The following TMEM232 variants were observed in gnomAD, a reference collection of about 807,000 sequenced individuals.
TMEM232 encodes transmembrane protein 232.
A neutral mutation model predicts 78.8 loss-of-function variants in TMEM232; 80 were observed. The ratio of observed to expected loss-of-function variants is 1.01; its 90% CI spans 0.85 to 1.22. The LOEUF is 1.22. TMEM232 is among the 50% of genes most tolerant of loss of function. The probability of loss-of-function intolerance (pLI) is 0.00; values close to 1 mark genes in which losing one functional copy is unlikely to be tolerated. For missense variants in TMEM232, 881 were observed against 742.2 expected (o/e 1.19, Z -2.17); for synonymous variants, 297 against 254.3 (o/e 1.17, Z -1.60).
chr5:110,605,050 A>G (rs1781375589), intron 10 of TMEM232, 59 bp downstream of exon 10: 2 of 1,423,732 alleles, frequency 1.4e-6, no homozygotes, highest in Non-Finnish European at 9.4e-7. Context: ...GCTTATTACT[A>G]TATGTAGACA....
chr5:110,435,522 C>T lies in TMEM232; in HGVS notation c.1704-10606G>A, dbSNP rs560021160. ...TAAATAATTATTGAGTATATATCTC[C>T]TATTGTGCTATCAAGTACTAGGTAT... On this transcript the variant is annotated intron_variant, in intron 12 of 13. Transcript: ENST00000455884. Among the ~76,000 whole-genome samples, 9 of 151,748 alleles carry T rather than the reference C, an allele frequency of 5.9e-5. No homozygotes were observed. The East Asian group carries it at 1.7e-3, about 29-fold the overall frequency.
At chr5:110,423,626 T>A (rs1380564462) in intron 13 of TMEM232, among the ~76,000 whole-genome samples, 1 of 152,094 alleles carries the variant, frequency 6.6e-6, no homozygotes, top group Non-Finnish European at 1.5e-5. Flanking sequence ...TATAAGCAGG[T>A]TCATGGCAGT....
At chr5:110,706,405 T>C (rs1795934982) in intron 1 of TMEM232, among the ~76,000 whole-genome samples, 1 of 152,120 alleles carries the variant, frequency 6.6e-6, no homozygotes, top group South Asian at 2.1e-4. Context: ...CACTGTATTA[T>C]TGATTATTTT....
intron 2 of TMEM232, among the ~76,000 whole-genome samples, chr5:110,664,542 GT>G (rs1790291625): frequency 6.6e-6 from 1 of 152,204 alleles, no homozygotes; most frequent in African/African-American, 2.4e-5. Flanking sequence ...TTCAAGAAAA[GT>G]ATTGGAAACA....
At chr5:110,715,487 A>T (rs1796922352) in intron 1 of TMEM232, among the ~76,000 whole-genome samples, 1 of 152,198 alleles carries the variant, frequency 6.6e-6, no homozygotes, top group African/African-American at 2.4e-5. Context: ...CACTGTAAAT[A>T]TTCAAAAGAC....
At chr5:110,639,081 C>A (rs1328584717) in intron 4 of TMEM232, among the ~76,000 whole-genome samples, 8 of 152,042 alleles carry the variant, frequency 5.3e-5, no homozygotes, top group Non-Finnish European at 1.0e-4. Flanking sequence ...AAAGAAGAAC[C>A]CTGACATGCT....
intron 12 of TMEM232, among the ~76,000 whole-genome samples, chr5:110,521,037 C>T (rs748937206): frequency 7.9e-5 from 12 of 152,176 alleles, no homozygotes; most frequent in Non-Finnish European, 1.8e-4. Context: ...CTCATTCATG[C>T]GGGTGCATTA....
At chr5:110,642,583 T>C (rs766784251) in intron 2 of TMEM232, among the ~76,000 whole-genome samples, 3 of 152,146 alleles carry the variant, frequency 2.0e-5, no homozygotes, top group Non-Finnish European at 4.4e-5. Flanking sequence ...ATAATTCCCA[T>C]TGTCAAAGAC....
At chr5:110,419,107 T>C (rs1756409937), downstream of TMEM232, among the ~76,000 whole-genome samples, 1 of 151,568 alleles carries the variant, frequency 6.6e-6, no homozygotes, top group African/African-American at 2.4e-5. Context: ...GAATAGTTGA[T>C]GGAACAAGAT....
At chr5:110,442,857 G>A (rs1343547773) in intron 12 of TMEM232, among the ~76,000 whole-genome samples, 1 of 152,102 alleles carries the variant, frequency 6.6e-6, no homozygotes, top group Non-Finnish European at 1.5e-5. Flanking sequence ...CTCCTTGATT[G>A]TCTTAGATAA....
intron 11 of TMEM232, among the ~76,000 whole-genome samples, chr5:110,566,128 C>G (rs1475989746): frequency 6.6e-6 from 1 of 151,614 alleles, no homozygotes; most frequent in Non-Finnish European, 1.5e-5. Context: ...TTATTTTACC[C>G]AAGGAAACCA....
At chr5:110,538,326 A>C (rs972534224) in intron 11 of TMEM232, among the ~76,000 whole-genome samples, 2 of 152,180 alleles carry the variant, frequency 1.3e-5, no homozygotes, top group Non-Finnish European at 2.9e-5. Context: ...GCCACGCAGT[A>C]ATCAAAATCA....
chr5:110,670,642 C>G (rs1561488548), intron 1 of TMEM232, among the ~76,000 whole-genome samples: 1 of 151,934 alleles, frequency 6.6e-6, no homozygotes, highest in Non-Finnish European at 1.5e-5. Flanking sequence ...CAGTCAGCAG[C>G]TGTGCTGAGC....
At chr5:110,625,134 G>A in intron 7 of TMEM232, 133 bp downstream of exon 7, 1 of 972,416 alleles carries the variant, frequency 1.0e-6, no homozygotes, top group Non-Finnish European at 1.4e-6. Flanking sequence ...TATCTTTGCT[G>A]TTCACCCCTC....
intron 12 of TMEM232, among the ~76,000 whole-genome samples, chr5:110,479,551 A>G (rs1419689307): frequency 2.6e-5 from 4 of 151,890 alleles, no homozygotes; most frequent in Admixed American, 6.6e-5. Context: ...TATAAAGTAT[A>G]TATCATTTTT....
chr5:110,582,322 C>T (rs745343843), intron 10 of TMEM232, among the ~76,000 whole-genome samples: 25 of 151,824 alleles, frequency 1.6e-4, no homozygotes, highest in Non-Finnish European at 3.2e-4. Flanking sequence ...TGGCATACTA[C>T]ACAGCCATAA....
chr5:110,599,243 T>G (rs1334244686), intron 10 of TMEM232, among the ~76,000 whole-genome samples: 1 of 152,072 alleles, frequency 6.6e-6, no homozygotes, highest in Non-Finnish European at 1.5e-5. Context: ...CCAATGACAC[T>G]ATGAAGAAAC....
chr5:110,404,900 C>A (rs1026823590), intron 2 of TMEM232, among the ~76,000 whole-genome samples: 1 of 151,932 alleles, frequency 6.6e-6, no homozygotes, highest in Non-Finnish European at 1.5e-5. Flanking sequence ...AACAGATAAG[C>A]TTTAGATGAC....
chr5:110,528,552 T>C, intron 12 of TMEM232, 36 bp downstream of exon 12: 1 of 1,491,038 alleles, frequency 6.7e-7, no homozygotes, highest in Non-Finnish European at 8.9e-7. Context: ...AATTGTAATG[T>C]ATTAGAACAA....
Sources: allele counts gnomAD v4.1 joint callset (sites outside exome capture counted in the v4.1 genomes callset), GRCh38; gene constraint gnomAD v4.1.1; transcripts MANE v1.5; gene names NCBI Gene and HGNC (gene_info 2026-07-23, HGNC 2026-07-21).